NPAS3: variants seen among roughly 807,000 people sequenced by gnomAD.
NPAS3 encodes the protein neuronal PAS domain-containing protein 3.
A neutral mutation model predicts 73.1 loss-of-function variants in NPAS3; 14 were observed. The observed-to-expected ratio is 0.19, with a 90% CI of 0.13 to 0.30. NPAS3 has a LOEUF of 0.30. Among genes scored for constraint, NPAS3 ranks in the 10% least tolerant of loss-of-function variants. The pLI, the probability that NPAS3 is intolerant of heterozygous loss-of-function variation, is 1.00. For missense variants in NPAS3, 1,096 were observed against 1,250.0 expected, an observed-to-expected ratio of 0.88 and a Z score of 1.86; for synonymous variants, 620 against 541.5, an observed-to-expected ratio of 1.14 and a Z score of -2.01.
At chr14:33,636,895 C>T (rs987801153) in intron 5 of NPAS3, among the ~76,000 whole-genome samples, 1 of 132,920 alleles carries the variant, frequency 7.5e-6, no homozygotes, top group East Asian at 2.2e-4. Flanking sequence ...GGAGGACACT[C>T]GGAGTGTGCA....
At chr14:33,445,781 G>A (rs556945191) in intron 4 of NPAS3, among the ~76,000 whole-genome samples, 41 of 152,310 alleles carry the variant, frequency 2.7e-4, no homozygotes, top group African/African-American at 9.4e-4. Context: ...TTTTAAGCAA[G>A]AATGAACTTC....
chr14:33,190,583 G>A (rs2046135053), intron 2 of NPAS3, among the ~76,000 whole-genome samples: 1 of 152,206 alleles, frequency 6.6e-6, no homozygotes, highest in Non-Finnish European at 1.5e-5. Context: ...TGAGTCGAAA[G>A]AAGAAAACGT....
At chr14:33,235,972 T>C (rs2048020999) in intron 3 of NPAS3, among the ~76,000 whole-genome samples, 1 of 151,880 alleles carries the variant, frequency 6.6e-6, no homozygotes, top group Non-Finnish European at 1.5e-5. Flanking sequence ...TTTAATTTTT[T>C]GTAGACACGG....
chr14:33,360,277 C>T (rs2045535551), intron 3 of NPAS3, among the ~76,000 whole-genome samples: 1 of 150,642 alleles, frequency 6.6e-6, no homozygotes, highest in Non-Finnish European at 1.5e-5. Context: ...AAAGATCCTC[C>T]TATTCTATAT....
At chr14:32,949,629 T>C (rs956252404) in intron 1 of NPAS3, among the ~76,000 whole-genome samples, 1 of 152,034 alleles carries the variant, frequency 6.6e-6, no homozygotes, top group Non-Finnish European at 1.5e-5. Context: ...TAAAGTAATA[T>C]TATTTTTAGT....
intron 4 of NPAS3, among the ~76,000 whole-genome samples, chr14:33,499,630 G>T (rs910434380): frequency 1.4e-4 from 22 of 151,902 alleles, no homozygotes; most frequent in Admixed American, 1.1e-3. Context: ...GCATGTTTTT[G>T]ATCTGGGTGT....
rs17100452 is a variant in NPAS3 at position 33,248,531 on chromosome 14, T to C, written c.385+33105T>C. ...TAGTAGATTTTTTAATGCTTTTGTA[T>C]AGGCTCAGGAGAGTCTTTCTTGCTA... On this transcript the variant is annotated intron_variant, in intron 3 of 11. Coordinates refer to ENST00000356141, the Ensembl canonical transcript of NPAS3. Among the ~76,000 whole-genome samples, 1,087 of 152,354 alleles carry C rather than the reference T, an allele frequency of 7.1e-3. 10 individuals carry two copies. Among genetic ancestry groups the C allele is most frequent in the African/African-American group, 0.025 (1,038 of 41,590 alleles).
chr14:33,360,413 A>G (rs890495660), intron 3 of NPAS3, among the ~76,000 whole-genome samples: 3 of 152,160 alleles, frequency 2.0e-5, no homozygotes, highest in Non-Finnish European at 4.4e-5. Flanking sequence ...GAATTTAAAG[A>G]TAGGAATTAA....
rs545097278 is a variant in NPAS3, at chr14:32,945,228, G to T, written c.50+5862G>T. ...TTCAACTTGTAAAATATTGTAATTA[G>T]TGACTACAAAGTGATTAGAGGCTCC... On this transcript the variant is annotated intron_variant, in intron 1 of 11. Transcript: ENST00000356141. 1.4e-3 allele frequency among the ~76,000 whole-genome samples: 214 copies of T among 152,218 alleles called. 1 individual carries two copies. The highest frequency in any genetic ancestry group is 3.9e-3 in the South Asian group (19 of 4,822).
chr14:33,673,891 G>A (rs185961937), intron 5 of NPAS3, among the ~76,000 whole-genome samples: 16 of 152,352 alleles, frequency 1.1e-4, no homozygotes, highest in Admixed American at 3.3e-4. Context: ...AGTCCAAGTA[G>A]TGGGGCATTC....
intron 1 of NPAS3, among the ~76,000 whole-genome samples, chr14:32,955,250 C>T (rs1285041511): frequency 6.6e-6 from 1 of 152,076 alleles, no homozygotes; most frequent in Non-Finnish European, 1.5e-5. Flanking sequence ...TAGGATATAA[C>T]AATATATATA....
At chr14:33,709,822 G>C in intron 6 of NPAS3, among the ~76,000 whole-genome samples, 1 of 152,112 alleles carries the variant, frequency 6.6e-6, no homozygotes, top group East Asian at 1.9e-4. Flanking sequence ...CCTTCCTCAG[G>C]ACTTAAATAT....
intron 4 of NPAS3, among the ~76,000 whole-genome samples, chr14:33,537,894 C>G (rs2139611018): frequency 6.6e-6 from 1 of 152,298 alleles, no homozygotes; most frequent in Middle Eastern, 3.4e-3. Context: ...CACTGCTCGC[C>G]TTGACGATCT....
At chr14:33,209,379 G>A (rs1376067631) in intron 2 of NPAS3, among the ~76,000 whole-genome samples, 1 of 152,144 alleles carries the variant, frequency 6.6e-6, no homozygotes, top group Non-Finnish European at 1.5e-5. Flanking sequence ...TTTACTAAAA[G>A]TAATGAAGGA....
intron 3 of NPAS3, among the ~76,000 whole-genome samples, chr14:33,315,205 G>A (rs1429327913): frequency 6.6e-6 from 1 of 152,036 alleles, no homozygotes; most frequent in Non-Finnish European, 1.5e-5. Flanking sequence ...CAGGGAGCCA[G>A]CAAACAAATG....
At chr14:33,772,027 T>C (rs1407892884) in intron 7 of NPAS3, among the ~76,000 whole-genome samples, 2 of 152,312 alleles carry the variant, frequency 1.3e-5, no homozygotes, top group African/African-American at 4.8e-5. Context: ...GGAGCGAAGA[T>C]AGACCCTCCC....
At chr14:33,253,067 T>C (rs1031408300) in intron 3 of NPAS3, among the ~76,000 whole-genome samples, 3 of 152,104 alleles carry the variant, frequency 2.0e-5, no homozygotes, top group African/African-American at 7.2e-5. Context: ...CTATTGGGAA[T>C]AGTGCTGCGA....
At chr14:33,674,743 C>CT (rs1555432156) in intron 5 of NPAS3, among the ~76,000 whole-genome samples, 1 of 152,172 alleles carries the variant, frequency 6.6e-6, no homozygotes, top group Non-Finnish European at 1.5e-5. Context: ...TTACGCGAGC[C>CT]TTTTTCAGGA....
chr14:33,247,225 C>A (rs2048424779), intron 3 of NPAS3, among the ~76,000 whole-genome samples: 1 of 152,022 alleles, frequency 6.6e-6, no homozygotes. Flanking sequence ...GTGATATTAT[C>A]TTTTGCATTT....
Sources: allele counts gnomAD v4.1 joint callset (sites outside exome capture counted in the v4.1 genomes callset), GRCh38; gene constraint gnomAD v4.1.1; transcripts MANE v1.5; gene names NCBI Gene and HGNC (gene_info 2026-07-23, HGNC 2026-07-21).